Variants in DPP10 observed in about 807,000 individuals in gnomAD.
The protein encoded by DPP10 is inactive dipeptidyl peptidase 10.
DPP10 carries 33 observed loss-of-function variants against 120.9 expected under a neutral mutation model. That is an observed-to-expected ratio of 0.27 (90% CI 0.21 to 0.37). The LOEUF is 0.37. DPP10 is among the 10% of genes least tolerant of loss of function. DPP10 has a pLI of 1.00. For synonymous variants in DPP10, 337 were observed against 326.1 expected (o/e 1.03, Z -0.36); for missense variants, 816 against 942.8 (o/e 0.87, Z 1.76).
intron 1 of DPP10, among the ~76,000 whole-genome samples, chr2:114,996,085 G>A (rs1449872929): frequency 2.6e-5 from 4 of 152,146 alleles, no homozygotes; most frequent in Admixed American, 6.5e-5. Flanking sequence ...ATCTATGCAA[G>A]GATGTTTCTC....
chr2:115,006,826 A>T (rs1701883421), intron 1 of DPP10, among the ~76,000 whole-genome samples: 1 of 151,804 alleles, frequency 6.6e-6, no homozygotes, highest in Non-Finnish European at 1.5e-5. Flanking sequence ...GAAAGTCAAC[A>T]AGGATACCCA....
At chr2:115,371,503 C>T (rs558326322) in intron 3 of DPP10, among the ~76,000 whole-genome samples, 7 of 152,230 alleles carry the variant, frequency 4.6e-5, no homozygotes, top group Admixed American at 1.3e-4. Flanking sequence ...ATACCTTTTT[C>T]CCTTCTTCAA....
chr2:115,654,404 C>T (rs556534991), intron 5 of DPP10, among the ~76,000 whole-genome samples: 5 of 151,806 alleles, frequency 3.3e-5, no homozygotes, highest in Non-Finnish European at 5.9e-5. Flanking sequence ...TCAATAGATA[C>T]AGGTATTGAA....
intron 1 of DPP10, among the ~76,000 whole-genome samples, chr2:115,148,708 A>G (rs1248075397): frequency 6.6e-6 from 1 of 152,204 alleles, no homozygotes; most frequent in Non-Finnish European, 1.5e-5. Context: ...CTTTTATTTT[A>G]AAATGAAACA....
At chr2:115,333,677 T>G (rs1333058416) in intron 2 of DPP10, among the ~76,000 whole-genome samples, 1 of 152,142 alleles carries the variant, frequency 6.6e-6, no homozygotes, top group Non-Finnish European at 1.5e-5. Context: ...TCTCCTTCAC[T>G]TATGAAGCTT....
At chr2:115,827,414 G>GTGTA (rs1271865370) in intron 21 of DPP10, among the ~76,000 whole-genome samples, 30 of 75,438 alleles carry the variant, frequency 4.0e-4, no homozygotes, top group Admixed American at 1.3e-3. Context: ...ATGTGTGTGT[G>GTGTA]TATATATATA....
At chr2:115,031,790 T>C (rs1703859062) in intron 1 of DPP10, among the ~76,000 whole-genome samples, 1 of 152,192 alleles carries the variant, frequency 6.6e-6, no homozygotes, top group Non-Finnish European at 1.5e-5. Context: ...CACTTTGTTT[T>C]CTTCATCTCA....
chr2:115,442,092 A>G (rs935753390), intron 3 of DPP10, among the ~76,000 whole-genome samples: 2 of 151,882 alleles, frequency 1.3e-5, no homozygotes, highest in Admixed American at 1.3e-4. Flanking sequence ...GATTACAGAC[A>G]TGAGCCACTG....
intron 3 of DPP10, among the ~76,000 whole-genome samples, chr2:115,373,946 T>C (rs1247509189): frequency 1.3e-5 from 2 of 151,770 alleles, no homozygotes; most frequent in Admixed American, 1.3e-4. Flanking sequence ...CATCAGATCT[T>C]GTGAGAACTT....
intron 7 of DPP10, among the ~76,000 whole-genome samples, chr2:115,726,244 G>C (rs17044917): frequency 0.012 from 1,789 of 152,114 alleles, 39 homozygotes; most frequent in African/African-American, 0.039. Context: ...CAAAACGTTG[G>C]GATAATTTAC....
chr2:114,555,741 G>A (rs1008844589), intron 1 of DPP10, among the ~76,000 whole-genome samples: 3 of 152,100 alleles, frequency 2.0e-5, no homozygotes, highest in African/African-American at 4.8e-5. Flanking sequence ...ATTTAATGAT[G>A]TATAACTGAT....
intron 1 of DPP10, among the ~76,000 whole-genome samples, chr2:115,239,304 C>G (rs546596985): frequency 6.6e-6 from 1 of 152,318 alleles, no homozygotes; most frequent in Non-Finnish European, 1.5e-5. Context: ...TGCTATCAAA[C>G]AGCATCACAT....
chr2:115,132,686 G>A (rs1025339941), intron 1 of DPP10, among the ~76,000 whole-genome samples: 2 of 152,102 alleles, frequency 1.3e-5, no homozygotes, highest in East Asian at 1.9e-4. Flanking sequence ...TTCCAGTTAC[G>A]GCTGGAAATT....
At chr2:115,269,882 TATC>T (rs967119169) in intron 1 of DPP10, among the ~76,000 whole-genome samples, 1 of 152,086 alleles carries the variant, frequency 6.6e-6, no homozygotes, top group Non-Finnish European at 1.5e-5. Context: ...TCTGTCTACT[TATC>T]ATTGTATTTC....
chr2:115,472,883 C>A (rs2074824746), intron 3 of DPP10, among the ~76,000 whole-genome samples: 1 of 152,090 alleles, frequency 6.6e-6, no homozygotes, highest in Non-Finnish European at 1.5e-5. Context: ...AAACGCTTGA[C>A]AAAATTTCTA....
chr2:114,947,420 G>C (rs922380712), intron 1 of DPP10, among the ~76,000 whole-genome samples: 4 of 150,176 alleles, frequency 2.7e-5, no homozygotes, highest in African/African-American at 9.8e-5. Context: ...AATTATTTGA[G>C]AGTCAATTTT....
chr2:115,759,191 A>G (rs1402442035), intron 11 of DPP10, among the ~76,000 whole-genome samples: 1 of 152,132 alleles, frequency 6.6e-6, no homozygotes. Context: ...CTCAATAATA[A>G]AAACACAACC....
Position 115,281,965 on chromosome 2 carries a change from T to C in DPP10, c.61-27274T>C, listed in dbSNP as rs2060175320. Among the ~76,000 whole-genome samples, 4 of 152,242 alleles carry C rather than the reference T, an allele frequency of 2.6e-5. No individual in the cohort carries two copies. The South Asian group carries it at 6.2e-4, about 24-fold the overall frequency. On this transcript the variant is annotated intron_variant, in intron 1 of 25. Transcript: ENST00000410059. ...TTTTACATATGTACTTAAAAATTACTGTTGTTGTTATTATTATTACATTTG... is the reference window on the plus strand; with the variant it reads ...TTTTACATATGTACTTAAAAATTACCGTTGTTGTTATTATTATTACATTTG...
intron 5 of DPP10, among the ~76,000 whole-genome samples, chr2:115,595,223 A>G (rs937496466): frequency 9.9e-5 from 15 of 152,140 alleles, no homozygotes; most frequent in African/African-American, 3.4e-4. Context: ...AGATACGAAG[A>G]CAACTGAATC....
Sources: gnomAD v4.1 joint callset for allele counts (sites outside exome capture counted in the v4.1 genomes callset) on GRCh38, gnomAD v4.1.1 for gene constraint, MANE v1.5 for transcripts, NCBI Gene and HGNC (gene_info 2026-07-23, HGNC 2026-07-21) for gene names.